CFAP54: variants seen among roughly 807,000 people sequenced by gnomAD.
The protein encoded by CFAP54 is cilia- and flagella-associated protein 54.
Under a neutral mutation model 370.4 loss-of-function variants are expected in CFAP54, and 290 were observed. The observed-to-expected ratio is 0.78, with a 90% CI of 0.71 to 0.86. CFAP54 has a LOEUF of 0.86. Among genes scored for constraint, CFAP54 ranks in the 40% least tolerant of loss-of-function variants. The pLI, the probability that CFAP54 is intolerant of heterozygous loss-of-function variation, is 0.00. For synonymous variants in CFAP54, 1,206 were observed against 1,236.5 expected (o/e 0.98, Z 0.52); for missense variants, 3,399 against 3,528.7 (o/e 0.96, Z 0.93).
chr12:96,819,867 A>G (rs1227571075), intron 65 of CFAP54, among the ~76,000 whole-genome samples: 1 of 152,162 alleles, frequency 6.6e-6, no homozygotes, highest in East Asian at 1.9e-4. Flanking sequence ...TGAAGACTGA[A>G]TGCTCTCATG....
chr12:96,644,306 C>G lies in CFAP54; in HGVS notation c.4445C>G (p.Ala1482Gly). 1 of 1,535,840 alleles carries G rather than the reference C, an allele frequency of 6.5e-7. No individual in the cohort carries two copies. Among genetic ancestry groups the G allele is most frequent in the Non-Finnish European group, 8.7e-7 (1 of 1,146,714 alleles). ...RLSLEEMPWRAQMNLYLAGAH... is the reference protein window; with the variant it reads ...RLSLEEMPWRGQMNLYLAGAH... ...TCACTTGAAGAGATGCCCTGGAGAGCTCAGATGAACCTGTATCTAGCAGGT... is the reference window on the plus strand; with the variant it reads ...TCACTTGAAGAGATGCCCTGGAGAGGTCAGATGAACCTGTATCTAGCAGGT... The change falls in exon 33 of 68, where the codon GCT becomes GGT. Residue 1482 changes from alanine (A) to glycine (G), a missense_variant. Ala to Gly is a moderately conservative substitution (Grantham distance 60, BLOSUM62 0). Coordinates refer to ENST00000524981, the MANE Select transcript of CFAP54 (RefSeq NM_001306084.2).
At chr12:96,545,248 G>C (rs950462526) in intron 14 of CFAP54, among the ~76,000 whole-genome samples, 3 of 152,034 alleles carry the variant, frequency 2.0e-5, no homozygotes, top group Non-Finnish European at 2.9e-5. Flanking sequence ...GTCCAGTCAG[G>C]GGGTGGGGAG....
In CFAP54 at chr12:96,489,876, G is replaced by T; in HGVS notation, c.267G>T (p.Lys89Asn). The change falls in exon 1 of 68, where the codon AAG becomes AAT. Residue 89 changes from lysine to asparagine, a missense_variant. By Grantham distance (94) the Lys-to-Asn change is moderately conservative (BLOSUM62 0). Transcript: ENST00000524981. Reference protein sequence around the residue: ...IQELLGFMRKKKALATTEEEK... With the variant: ...IQELLGFMRKNKALATTEEEK... ...AGTTGTTAGGCTTTATGAGGAAAAAGAAGGCTTTAGCCACCACGGAGGAAG... is the reference window on the plus strand; with the variant it reads ...AGTTGTTAGGCTTTATGAGGAAAAATAAGGCTTTAGCCACCACGGAGGAAG... 6.5e-7 allele frequency: 1 copy of T among 1,536,000 alleles called. No homozygotes were observed. Among genetic ancestry groups the T allele is most frequent in the South Asian group, 1.2e-5 (1 of 84,062 alleles).
intron 50 of CFAP54, among the ~76,000 whole-genome samples, chr12:96,734,838 C>T (rs1414555319): frequency 6.6e-6 from 1 of 151,938 alleles, no homozygotes; most frequent in Admixed American, 6.6e-5. Context: ...TTTATAAGTA[C>T]AATAACAACA....
intron 63 of CFAP54, among the ~76,000 whole-genome samples, chr12:96,803,184 T>A (rs1464054608): frequency 6.6e-6 from 1 of 152,154 alleles, no homozygotes; most frequent in Admixed American, 6.5e-5. Context: ...ATCCTTTGGG[T>A]ATATACCCAG....
At chr12:96,729,087 A>G (rs1015019708) in intron 50 of CFAP54, among the ~76,000 whole-genome samples, 8 of 151,962 alleles carry the variant, frequency 5.3e-5, no homozygotes, top group African/African-American at 1.9e-4. Flanking sequence ...GTCTGCCCCT[A>G]CTGGGGGGTG....
intron 2 of CFAP54, among the ~76,000 whole-genome samples, chr12:96,501,690 C>T (rs908728891): frequency 6.6e-6 from 1 of 152,202 alleles, no homozygotes. Context: ...TCAGTGTTTT[C>T]TCAATCTTCA....
chr12:96,852,555 A>C (rs1290479822), intron 66 of CFAP54, among the ~76,000 whole-genome samples: 1 of 152,118 alleles, frequency 6.6e-6, no homozygotes, highest in African/African-American at 2.4e-5. Context: ...AAGATAAAAC[A>C]ATAAAGCTAG....
Position 96,506,918 on chromosome 12 carries a change from T to A in CFAP54, c.568-10T>A. ...TTCTATTTCTATTTCTATTTTCCCA[T>A]GTGTTTCAGTTTCATGCTTTGAGTG... is the stretch of plus-strand genomic sequence containing the variant. On this transcript the variant is annotated splice_polypyrimidine_tract_variant and intron_variant, in intron 3 of 67. Coordinates refer to ENST00000524981, the MANE Select transcript of CFAP54 (RefSeq NM_001306084.2). The A allele has an allele frequency of 6.6e-7, 1 of 1,526,546 alleles. No individual in the cohort carries two copies. Among genetic ancestry groups the A allele is most frequent in the Non-Finnish European group, 8.7e-7 (1 of 1,142,930 alleles). The allele number at this position is 1,526,546 out of a possible 1,614,324, so 94.6% of individuals were successfully genotyped here.
chr12:96,560,993 T>C (rs1256756457), intron 17 of CFAP54, among the ~76,000 whole-genome samples: 2 of 152,244 alleles, frequency 1.3e-5, no homozygotes, highest in Non-Finnish European at 2.9e-5. Context: ...TGAGTAACAC[T>C]ATGGATCAGA....
At chr12:96,747,812 A>G (rs1958134276) in intron 55 of CFAP54, among the ~76,000 whole-genome samples, 1 of 152,226 alleles carries the variant, frequency 6.6e-6, no homozygotes, top group Admixed American at 6.5e-5. Context: ...ATGAAATCAA[A>G]TATATATAGT....
chr12:96,639,792 T>C (rs1358126316), intron 32 of CFAP54, among the ~76,000 whole-genome samples: 1 of 152,128 alleles, frequency 6.6e-6, no homozygotes, highest in African/African-American at 2.4e-5. Context: ...AATCAATAAA[T>C]GTAATCCAGC....
intron 64 of CFAP54, among the ~76,000 whole-genome samples, chr12:96,815,927 G>A (rs2136733157): frequency 6.6e-6 from 1 of 152,284 alleles, no homozygotes; most frequent in African/African-American, 2.4e-5. Flanking sequence ...CTATGTACCT[G>A]TTTTGGTACC....
intron 28 of CFAP54, among the ~76,000 whole-genome samples, chr12:96,625,515 A>G (rs1037362170): frequency 6.6e-6 from 1 of 152,210 alleles, no homozygotes; most frequent in Admixed American, 6.6e-5. Flanking sequence ...TTAGGGGGAA[A>G]AGTGAAGCAA....
At chr12:96,592,025 C>T (rs1480253386) in intron 23 of CFAP54, among the ~76,000 whole-genome samples, 6 of 151,676 alleles carry the variant, frequency 4.0e-5, no homozygotes, top group Non-Finnish European at 8.8e-5. Context: ...GTACTGAAGC[C>T]CAGCTCCTAG....
intron 32 of CFAP54, among the ~76,000 whole-genome samples, chr12:96,641,972 G>A (rs377522358): frequency 7.3e-5 from 11 of 151,494 alleles, no homozygotes; most frequent in Non-Finnish European, 1.2e-4. Context: ...AGATATACCT[G>A]ATGTTAAATG....
intron 45 of CFAP54, among the ~76,000 whole-genome samples, 198 bp from the exon 46 acceptor site, chr12:96,699,773 A>G (rs190782769): frequency 1.2e-4 from 19 of 152,272 alleles, no homozygotes; most frequent in African/African-American, 4.6e-4. Context: ...TTCTTGGTCC[A>G]TTGCACATGT....
In CFAP54 at chr12:96,828,846, A is replaced by T. The variant is rs192913938; in HGVS notation, c.9097-168A>T. 5.9e-5 allele frequency among the ~76,000 whole-genome samples: 9 copies of T among 152,300 alleles called. No individual in the cohort carries two copies. In the East Asian group the frequency reaches 1.7e-3, roughly 29 times the overall value. ...TGTACAATTAGATACAATTCAAAAA[A>T]GCCTAATTACTTAAGGGGTTATGAT... is the stretch of plus-strand genomic sequence containing the variant. On this transcript the variant is annotated intron_variant, in intron 65 of 67. Transcript: ENST00000524981.
At chr12:96,714,060 A>G (rs914844801) in intron 48 of CFAP54, among the ~76,000 whole-genome samples, 2 of 152,236 alleles carry the variant, frequency 1.3e-5, no homozygotes, top group African/African-American at 4.8e-5. Context: ...TGGTTTCTGT[A>G]TTGAGACTAG....
Sources: allele counts gnomAD v4.1 joint callset (sites outside exome capture counted in the v4.1 genomes callset), GRCh38; gene constraint gnomAD v4.1.1; transcripts MANE v1.5; gene names NCBI Gene and HGNC (gene_info 2026-07-23, HGNC 2026-07-21).